The following GMDS variants were observed in gnomAD, a reference collection of about 807,000 sequenced individuals.
GMDS encodes GDP-mannose 4,6 dehydratase.
GMDS carries 20 observed loss-of-function variants against 49.9 expected under a neutral mutation model. The ratio of observed to expected loss-of-function variants is 0.40; its 90% CI spans 0.28 to 0.58. The LOEUF (loss-of-function observed/expected upper bound fraction) is 0.58. Ranked by LOEUF, GMDS falls within the 20% of genes least tolerant of loss-of-function variation. The pLI, the probability that GMDS is intolerant of heterozygous loss-of-function variation, is 0.42. For synonymous variants in GMDS, 177 were observed against 178.6 expected (o/e 0.99, Z 0.07); for missense variants, 362 against 481.4 (o/e 0.75, Z 2.32).
chr6:1,671,755 C>T (rs997798944), intron 9 of GMDS, among the ~76,000 whole-genome samples: 1 of 144,178 alleles, frequency 6.9e-6, no homozygotes, highest in African/African-American at 2.7e-5. Flanking sequence ...ACCTCTGCCC[C>T]CCGGGTTCAA....
At chr6:1,962,930 G>A (rs2127300574) in intron 4 of GMDS, among the ~76,000 whole-genome samples, 1 of 148,904 alleles carries the variant, frequency 6.7e-6, no homozygotes, top group Non-Finnish European at 1.5e-5. Flanking sequence ...AGGCTGGAGT[G>A]CAATGGCGCG....
intron 7 of GMDS, among the ~76,000 whole-genome samples, chr6:1,790,722 C>T (rs574363793): frequency 7.2e-5 from 11 of 151,966 alleles, no homozygotes; most frequent in African/African-American, 9.6e-5. Flanking sequence ...CCACATGTAC[C>T]GAGGAATATG....
At chr6:2,239,057 G>A (rs912201293) in intron 1 of GMDS, among the ~76,000 whole-genome samples, 21 of 152,072 alleles carry the variant, frequency 1.4e-4, no homozygotes, top group African/African-American at 4.3e-4. Context: ...GGCCGGGCAC[G>A]GTGGCTCACG....
chr6:1,662,103 A>AAAGG (rs1213897531), intron 9 of GMDS, among the ~76,000 whole-genome samples: 1 of 151,906 alleles, frequency 6.6e-6, no homozygotes, highest in Non-Finnish European at 1.5e-5. Flanking sequence ...CGGGACTGGG[A>AAAGG]AAGGAAGGAA....
chr6:1,894,306 G>C (rs1318269897), intron 7 of GMDS, among the ~76,000 whole-genome samples: 1 of 152,154 alleles, frequency 6.6e-6, no homozygotes, highest in Non-Finnish European at 1.5e-5. Context: ...TGATGGTGTA[G>C]TTACAAGCAA....
chr6:1,988,688 T>C (rs1460300397), intron 4 of GMDS, among the ~76,000 whole-genome samples: 1 of 152,206 alleles, frequency 6.6e-6, no homozygotes, highest in Non-Finnish European at 1.5e-5. Flanking sequence ...TAGGCTTAAG[T>C]ATTGTCAATG....
chr6:1,915,693 C>T (rs182676791), intron 7 of GMDS, among the ~76,000 whole-genome samples: 97 of 152,348 alleles, frequency 6.4e-4, no homozygotes, highest in Middle Eastern at 3.4e-3. Context: ...CGAATGAACG[C>T]GCCTGATCTG....
chr6:2,003,615 A>AGAGCTGT (rs1766972784), intron 4 of GMDS, among the ~76,000 whole-genome samples: 1 of 152,164 alleles, frequency 6.6e-6, no homozygotes, highest in Admixed American at 6.5e-5. Context: ...AGGACCTACC[A>AGAGCTGT]ATTTCCTTAA....
intron 9 of GMDS, among the ~76,000 whole-genome samples, chr6:1,682,570 T>TGGGTGAAA (rs1302084048): frequency 9.9e-3 from 24 of 2,418 alleles, no homozygotes; most frequent in South Asian, 0.031. Flanking sequence ...ATTTTTTTTT[T>TGGGTGAAA]TTTTTTTTTT....
At chr6:2,089,906 A>G (rs1251612077) in intron 4 of GMDS, among the ~76,000 whole-genome samples, 1 of 152,172 alleles carries the variant, frequency 6.6e-6, no homozygotes, top group Non-Finnish European at 1.5e-5. Context: ...CGCTGGGGCC[A>G]TGTGGAGAGA....
intron 7 of GMDS, among the ~76,000 whole-genome samples, chr6:1,910,598 A>G (rs762864641): frequency 6.6e-6 from 1 of 152,116 alleles, no homozygotes; most frequent in Non-Finnish European, 1.5e-5. Flanking sequence ...CGGTGAAGTG[A>G]TTGTAGGAGG....
chr6:1,783,107 A>G (rs757493620), intron 7 of GMDS, among the ~76,000 whole-genome samples: 41 of 152,174 alleles, frequency 2.7e-4, no homozygotes, highest in Non-Finnish European at 5.0e-4. Flanking sequence ...GTGAGCAGAG[A>G]TCACGCCACT....
intron 7 of GMDS, among the ~76,000 whole-genome samples, chr6:1,764,265 C>T (rs1003755241): frequency 1.3e-5 from 2 of 152,000 alleles, no homozygotes; most frequent in African/African-American, 2.4e-5. Context: ...GCACTCAAAA[C>T]GGAGGCCCGT....
rs376971392 is a variant in GMDS, at chr6:1,635,616, G to A, written c.988-11076C>T. On this transcript the variant is annotated intron_variant, in intron 9 of 10. Transcript: ENST00000380815. This position sits in a 1 kb window ranked among gnomAD's most constrained non-coding sequence, Gnocchi z 4.7. ...CTTGGCAGGTGCTTTGTTTGCCGTC[G>A]GGGCCAGCCTCACTGACAAGGCTGA... Among the ~76,000 whole-genome samples, 31 of 152,284 alleles carry A rather than the reference G, an allele frequency of 2.0e-4. No individual in the cohort carries two copies. Among genetic ancestry groups the A allele is most frequent in the Non-Finnish European group, 4.0e-4 (27 of 68,014 alleles).
chr6:1,957,623 C>T (rs1003742295), intron 6 of GMDS, among the ~76,000 whole-genome samples: 9 of 152,070 alleles, frequency 5.9e-5, no homozygotes, highest in Non-Finnish European at 1.0e-4. Context: ...AGAAGCCTGA[C>T]GCTGCAGAAC....
chr6:2,011,188 A>G (rs1316035844), intron 4 of GMDS, among the ~76,000 whole-genome samples: 3 of 152,198 alleles, frequency 2.0e-5, no homozygotes, highest in Non-Finnish European at 2.9e-5. Flanking sequence ...GCCAAAAAGC[A>G]TAAGAAAAAA....
chr6:1,848,479 T>A (rs1223722925), intron 7 of GMDS, among the ~76,000 whole-genome samples: 4 of 152,244 alleles, frequency 2.6e-5, no homozygotes, highest in Admixed American at 6.5e-5. Context: ...TCGTCACCTC[T>A]CTTGACATTG....
At position 1,808,906 on chromosome 6, in the gene GMDS, G is replaced by C. The variant is rs9503025; in HGVS notation, c.772-66320C>G. 1.8e-3 allele frequency among the ~76,000 whole-genome samples: 240 copies of C among 135,990 alleles called. 1 individual carries two copies. The highest frequency in any genetic ancestry group is 0.015 in the South Asian group (66 of 4,318). The allele number at this position is 135,990 out of a possible 152,430, so 89.2% of individuals were successfully genotyped here. On this transcript the variant is annotated intron_variant, in intron 7 of 10. Coordinates refer to ENST00000380815, the MANE Select transcript of GMDS (RefSeq NM_001500.4). ...CTTTGCACTAGTGCATGCTCTCTCT[G>C]TGTGTGTGTGTGTGTGTGTGTACAC... is the stretch of plus-strand genomic sequence containing the variant.
At chr6:2,169,124 G>C (rs1042843489) in intron 1 of GMDS, among the ~76,000 whole-genome samples, 3 of 152,148 alleles carry the variant, frequency 2.0e-5, no homozygotes, top group Non-Finnish European at 4.4e-5. Context: ...TTAGTATCTA[G>C]GATAACCTTA....
Sources: allele counts gnomAD v4.1 joint callset (sites outside exome capture counted in the v4.1 genomes callset), GRCh38; gene constraint gnomAD v4.1.1; non-coding constraint Gnocchi (gnomAD v3.1); transcripts MANE v1.5; gene names NCBI Gene and HGNC (gene_info 2026-07-23, HGNC 2026-07-21).